The following DLC1 variants were observed in gnomAD, a reference collection of about 807,000 sequenced individuals.
DLC1 encodes DLC1 Rho GTPase activating protein, also known as rho GTPase-activating protein 7.
Under a neutral mutation model 140.3 loss-of-function variants are expected in DLC1, and 54 were observed. That is an observed-to-expected ratio of 0.38 (90% CI 0.31 to 0.48). The LOEUF (loss-of-function observed/expected upper bound fraction) is 0.48, where lower values mean the gene tolerates loss of function less well. Among genes scored for constraint, DLC1 ranks in the 20% least tolerant of loss-of-function variants. The pLI is 0.96. For synonymous variants in DLC1, 986 were observed against 728.1 expected, an observed-to-expected ratio of 1.35 and a Z score of -5.70; for missense variants, 2,536 against 1,907.0, an observed-to-expected ratio of 1.33 and a Z score of -6.14.
At chr8:13,312,075 C>A (rs1031880248) in intron 4 of DLC1, among the ~76,000 whole-genome samples, 3 of 150,162 alleles carry the variant, frequency 2.0e-5, no homozygotes, top group Admixed American at 6.7e-5. Flanking sequence ...AAAATAATTT[C>A]TTTAGGCCGG....
In DLC1 at chr8:13,499,112, T is replaced by A; in HGVS notation, c.960A>T (p.Gln320His). The A allele has an allele frequency of 6.2e-7, 1 of 1,614,126 alleles. No homozygotes were observed. The highest frequency in any genetic ancestry group is 8.5e-7 in the Non-Finnish European group (1 of 1,179,998). Residue 320 changes from glutamine to histidine, a missense_variant, in exon 2 of 18, where the codon CAA (glutamine) becomes CAT (histidine). Gln to His is a conservative substitution (Grantham distance 24). Coordinates refer to ENST00000276297, the MANE Select transcript of DLC1 (RefSeq NM_182643.3). ...VKAEDGMQCLQLKETLATQEP... is the reference protein window; with the variant it reads ...VKAEDGMQCLHLKETLATQEP... ...CCTGGGTGGCCAGGGTCTCCTTTAA[T>A]TGTAAACACTGCATGCCATCTTCTG...
chr8:13,505,122 T>C (rs1453858557), intron 1 of DLC1, among the ~76,000 whole-genome samples: 2 of 152,156 alleles, frequency 1.3e-5, no homozygotes, highest in Non-Finnish European at 2.9e-5. Context: ...AAAATAGTTT[T>C]ACAAGAAGGA....
At position 13,099,826 on chromosome 8, in the gene DLC1, G is replaced by A; in HGVS notation, c.2511C>T (p.Asn837=). 1 of 1,614,182 alleles carries A rather than the reference G, an allele frequency of 6.2e-7. No homozygotes were observed. The change falls in exon 9 of 18, where the codon AAC becomes AAT. Residue 837 remains asparagine (N), a synonymous_variant. Coordinates refer to ENST00000276297, the MANE Select transcript of DLC1 (RefSeq NM_182643.3). ...GGCCGTGGAAGCTTCCCGTCCTCCAGTTCACAGAGCCGTTATTCCCCGAGG... is the reference window on the plus strand; with the variant it reads ...GGCCGTGGAAGCTTCCCGTCCTCCAATTCACAGAGCCGTTATTCCCCGAGG... ...FSPSGNNGSV[N]WRTGSFHGPG... is the part of the protein sequence containing the mutation.
intron 5 of DLC1, among the ~76,000 whole-genome samples, chr8:13,132,044 C>G (rs925393662): frequency 6.6e-6 from 1 of 152,162 alleles, no homozygotes; most frequent in Non-Finnish European, 1.5e-5. Context: ...AAGCTGTCGC[C>G]TTGTTACGAA....
intron 5 of DLC1, among the ~76,000 whole-genome samples, chr8:13,290,658 T>C (rs1831721340): frequency 6.6e-6 from 1 of 152,180 alleles, no homozygotes. Context: ...GATAGAGTAC[T>C]GGAGTGTTTG....
rs189183314 is a variant in DLC1 at position 13,397,626 on chromosome 8, C to G, written c.1173+3844G>C. Among the ~76,000 whole-genome samples the G allele has an allele frequency of 2.2e-3, 324 of 150,632 alleles. 1 individual carries two copies. The highest frequency in any genetic ancestry group is 7.5e-3 in the African/African-American group (307 of 40,958). ...GGAAGACTGCTTGAGGCCAGGAGCT[C>G]TAGACCAGCCTGGGCAATGTAGAGA... On this transcript the variant is annotated intron_variant, in intron 3 of 17. Coordinates refer to ENST00000276297, the MANE Select transcript of DLC1 (RefSeq NM_182643.3).
Position 13,123,896 on chromosome 8 carries a change from T to C in DLC1, c.1349-8239A>G, listed in dbSNP as rs139539466. Reference sequence around the variant, plus strand: ...TAATTTTTCTGACCAGGATCCCCAATAGGAAATACATTCTACATTGTAACA... The same window carrying C: ...TAATTTTTCTGACCAGGATCCCCAACAGGAAATACATTCTACATTGTAACA... On this transcript the variant is annotated intron_variant, in intron 5 of 17. Coordinates refer to ENST00000276297, the MANE Select transcript of DLC1 (RefSeq NM_182643.3). Among the ~76,000 whole-genome samples the C allele has an allele frequency of 2.9e-4, 44 of 152,238 alleles. 1 individual carries two copies. The highest frequency in any genetic ancestry group is 9.9e-4 in the African/African-American group (41 of 41,548).
At chr8:13,405,092 A>G (rs548795005) in intron 2 of DLC1, among the ~76,000 whole-genome samples, 2 of 150,982 alleles carry the variant, frequency 1.3e-5, no homozygotes, top group South Asian at 4.2e-4. Context: ...TCCTTGCTCT[A>G]TTTATTATTT....
intron 7 of DLC1, 93 bp downstream of exon 7, chr8:13,110,649 A>G: frequency 1.6e-6 from 2 of 1,220,640 alleles, no homozygotes; most frequent in Non-Finnish European, 2.3e-6. Context: ...TAACACAATT[A>G]GCAAGAACAA....
chr8:13,308,308 A>G (rs1832539903), intron 4 of DLC1, among the ~76,000 whole-genome samples: 1 of 152,212 alleles, frequency 6.6e-6, no homozygotes, highest in Admixed American at 6.5e-5. Flanking sequence ...CTTCCATTAC[A>G]TAACTTCAAA....
At chr8:13,261,662 C>G (rs139163472) in intron 5 of DLC1, among the ~76,000 whole-genome samples, 7 of 151,908 alleles carry the variant, frequency 4.6e-5, no homozygotes, top group Non-Finnish European at 7.4e-5. Context: ...AAGTGGTCAG[C>G]GTCTAGATGC....
chr8:13,297,179 G>A (rs988922749), intron 5 of DLC1, among the ~76,000 whole-genome samples: 1 of 147,780 alleles, frequency 6.8e-6, no homozygotes, highest in Non-Finnish European at 1.5e-5. Flanking sequence ...AACTTTTCAC[G>A]GATTAGTTTA....
chr8:13,176,204 C>A (rs977685166), intron 5 of DLC1, among the ~76,000 whole-genome samples: 1 of 152,044 alleles, frequency 6.6e-6, no homozygotes, highest in Non-Finnish European at 1.5e-5. Flanking sequence ...TTTTTCATTT[C>A]TTCTCCATTT....
chr8:13,384,397 G>C (rs1254891176), intron 4 of DLC1, among the ~76,000 whole-genome samples: 1 of 119,598 alleles, frequency 8.4e-6, no homozygotes, highest in Non-Finnish European at 2.0e-5. Flanking sequence ...TGTATCATTG[G>C]ACTTAACACA....
chr8:13,085,094 G>A lies in DLC1; in HGVS notation c.*717C>T, dbSNP rs1189994392. ...TAAAAATAAACTGCATTTGGAATGG[G>A]TGTAAGAGCCAACCTATTACAATCA... On this transcript the variant is annotated 3_prime_UTR_variant, in exon 18 of 18. Coordinates refer to ENST00000276297, the MANE Select transcript of DLC1 (RefSeq NM_182643.3). 1.3e-5 allele frequency: 2 copies of A among 152,204 alleles called. No individual in the cohort carries two copies. The highest frequency in any genetic ancestry group is 1.5e-5 in the Non-Finnish European group (1 of 68,046). 9.4% of individuals were successfully genotyped at this position (152,204 alleles called of 1,614,324 possible). A position where few individuals can be genotyped will look rare whatever the true frequency, so the allele number is the denominator to read the frequency against.
At chr8:13,124,161 C>T (rs1163883614) in intron 5 of DLC1, among the ~76,000 whole-genome samples, 2 of 152,118 alleles carry the variant, frequency 1.3e-5, no homozygotes, top group Non-Finnish European at 2.9e-5. Flanking sequence ...GCATGAAGAA[C>T]TTGTGTACAG....
At chr8:13,246,666 T>C (rs1272328148) in intron 5 of DLC1, among the ~76,000 whole-genome samples, 2 of 152,150 alleles carry the variant, frequency 1.3e-5, no homozygotes, top group Non-Finnish European at 2.9e-5. Flanking sequence ...TGCTTTTTTT[T>C]TTTTCTACGC....
chr8:13,116,367 C>G (rs1364490555), intron 5 of DLC1: 2 of 332,394 alleles, frequency 6.0e-6, no homozygotes, highest in Non-Finnish European at 8.6e-6. Flanking sequence ...TGTGTTAAAA[C>G]TCACTGGAGC....
chr8:13,311,187 C>T (rs537776222), intron 4 of DLC1, among the ~76,000 whole-genome samples: 1 of 152,068 alleles, frequency 6.6e-6, no homozygotes, highest in East Asian at 1.9e-4. Context: ...GTCATTTTGC[C>T]TATGAGGACG....
Sources: allele counts gnomAD v4.1 joint callset (sites outside exome capture counted in the v4.1 genomes callset), GRCh38; gene constraint gnomAD v4.1.1; transcripts MANE v1.5; gene names NCBI Gene and HGNC (gene_info 2026-07-23, HGNC 2026-07-21).